RTKN2: variants seen among roughly 807,000 people sequenced by gnomAD.
RTKN2 encodes the protein rhotekin 2.
Under a neutral mutation model 71.5 loss-of-function variants are expected in RTKN2, and 69 were observed. The ratio of observed to expected loss-of-function variants is 0.96; its 90% confidence interval spans 0.79 to 1.18. The LOEUF (loss-of-function observed/expected upper bound fraction) is 1.18. RTKN2 is among the 50% of genes most tolerant of loss of function. The pLI, the probability that RTKN2 is intolerant of heterozygous loss-of-function variation, is 0.00. For synonymous variants in RTKN2, 236 were observed against 236.5 expected (o/e 1.00, Z 0.02); for missense variants, 724 against 719.7 (o/e 1.01, Z -0.07).
Position 62,193,384 on chromosome 10 carries a change from C to A in RTKN2, c.*4524G>T. 1 of 981,756 alleles carries A rather than the reference C, an allele frequency of 1.0e-6. No individual in the cohort carries two copies. Among genetic ancestry groups the A allele is most frequent in the Non-Finnish European group, 1.2e-6 (1 of 826,658 alleles). 60.8% of individuals were successfully genotyped at this position (981,756 alleles called of 1,614,324 possible). ...GGAATGATCTTTTCTAATTATTAAA[C>A]GTGTCAGCATTAGTATTTTCTCCCA... On this transcript the variant is annotated 3_prime_UTR_variant, in exon 12 of 12. Coordinates refer to ENST00000373789, the MANE Select transcript of RTKN2 (RefSeq NM_145307.4).
intron 3 of RTKN2, among the ~76,000 whole-genome samples, chr10:62,241,425 C>A (rs1842371783): frequency 6.6e-6 from 1 of 152,150 alleles, no homozygotes; most frequent in South Asian, 2.1e-4. Flanking sequence ...AATAACTGTT[C>A]TAACTCCATA....
At chr10:62,263,639 G>A (rs539056557) in intron 1 of RTKN2, among the ~76,000 whole-genome samples, 3 of 152,166 alleles carry the variant, frequency 2.0e-5, no homozygotes, top group Non-Finnish European at 2.9e-5. Context: ...CTGAGTAAAG[G>A]AGCCAAGGTT....
intron 1 of RTKN2, among the ~76,000 whole-genome samples, chr10:62,264,800 C>A (rs1259280235): frequency 6.6e-6 from 1 of 151,484 alleles, no homozygotes; most frequent in Non-Finnish European, 1.5e-5. Flanking sequence ...TGACCTACCC[C>A]AAACCAATCA....
At chr10:62,212,957 T>C (rs1165045382) in intron 9 of RTKN2, among the ~76,000 whole-genome samples, 1 of 152,122 alleles carries the variant, frequency 6.6e-6, no homozygotes, top group Non-Finnish European at 1.5e-5. Flanking sequence ...CCAATACCAA[T>C]GCTATACCAA....
intron 10 of RTKN2, among the ~76,000 whole-genome samples, chr10:62,203,775 A>G (rs1841495053): frequency 6.6e-6 from 1 of 152,270 alleles, no homozygotes. Flanking sequence ...CCATGGAGGG[A>G]ACCCTCTAGT....
downstream of RTKN2, among the ~76,000 whole-genome samples, chr10:62,188,394 C>T (rs1363899835): frequency 6.6e-6 from 1 of 152,156 alleles, no homozygotes; most frequent in East Asian, 1.9e-4. Flanking sequence ...CTTCTTATGA[C>T]CTAGCCTCAT....
chr10:62,256,697 T>C (rs1842682198), intron 2 of RTKN2, among the ~76,000 whole-genome samples: 1 of 152,014 alleles, frequency 6.6e-6, no homozygotes. Flanking sequence ...TGTATGCGTG[T>C]GTGTGTCTGT....
Position 62,268,770 on chromosome 10 carries a change from C to G in RTKN2, c.-160G>C. 1.4e-6 allele frequency: 1 copy of G among 711,264 alleles called. No homozygotes were observed. The highest frequency in any genetic ancestry group is 1.9e-5 in the South Asian group (1 of 51,780). 44.1% of individuals were successfully genotyped at this position (711,264 alleles called of 1,614,324 possible). On this transcript the variant is annotated 5_prime_UTR_variant, in exon 1 of 12. Coordinates refer to ENST00000373789, the MANE Select transcript of RTKN2 (RefSeq NM_145307.4). Reference sequence around the variant, plus strand: ...GAGGAGCCGGGCCGAAGCGCACGCGCAGTGGGCGCGCCTTGCGCTCTGCAG... The same window carrying G: ...GAGGAGCCGGGCCGAAGCGCACGCGGAGTGGGCGCGCCTTGCGCTCTGCAG...
rs150745493 is a variant in RTKN2 at position 62,237,984 on chromosome 10, G to A, written c.488+1664C>T. 5.3e-3 allele frequency among the ~76,000 whole-genome samples: 798 copies of A among 151,922 alleles called. 2 individuals are homozygous for A. The highest frequency in any genetic ancestry group is 7.9e-3 in the Non-Finnish European group (537 of 67,828). The stretch of plus-strand genomic sequence containing the variant: ...ACCTTTAGCATTAAAGACTGTGGTG[G>A]TGTTACTAACAATAAAATATACTTA... On this transcript the variant is annotated intron_variant, in intron 5 of 11. Coordinates refer to ENST00000373789, the MANE Select transcript of RTKN2 (RefSeq NM_145307.4).
In RTKN2 at chr10:62,198,262, C is replaced by T. The variant is rs1291198455; in HGVS notation, c.1476G>A (p.Glu492=). The stretch of plus-strand genomic sequence containing the variant: ...TTTTCCCTTTTTCATCATGTAATGG[C>T]TCACTTGCAGGATACAGTACCTTTT... ...IQKKVLYPAS[E]PLHDEKGKKR... The change falls in exon 12 of 12, where the codon GAG becomes GAA. Residue 492 remains glutamate, a synonymous_variant. Coordinates refer to ENST00000373789, the MANE Select transcript of RTKN2 (RefSeq NM_145307.4). 1 of 1,613,924 alleles carries T rather than the reference C, an allele frequency of 6.2e-7. No homozygotes were observed. The highest frequency in any genetic ancestry group is 8.5e-7 in the Non-Finnish European group (1 of 1,179,900).
At chr10:62,187,267 T>G (rs1220602074) in intron 8 of RTKN2, among the ~76,000 whole-genome samples, 1 of 137,410 alleles carries the variant, frequency 7.3e-6, no homozygotes. Flanking sequence ...ACTTTTGGCA[T>G]CACAAATCAC....
At chr10:62,198,524 T>C (rs2132795574) in intron 11 of RTKN2, 81 bp from the exon 12 acceptor site, 2 of 1,053,282 alleles carry the variant, frequency 1.9e-6, no homozygotes, top group Non-Finnish European at 2.6e-6. Flanking sequence ...TTTTCCAAAC[T>C]AGTATGCTAT....
intron 6 of RTKN2, among the ~76,000 whole-genome samples, chr10:62,233,852 T>C (rs1370488743): frequency 6.6e-6 from 1 of 152,144 alleles, no homozygotes; most frequent in East Asian, 1.9e-4. Context: ...ACCTAAAATA[T>C]TTTGCTTTTT....
chr10:62,230,881 G>A (rs1041406093), intron 6 of RTKN2, among the ~76,000 whole-genome samples: 1 of 152,174 alleles, frequency 6.6e-6, no homozygotes, highest in African/African-American at 2.4e-5. Context: ...TAAACTGGAA[G>A]AATTTTGAGT....
chr10:62,227,348 C>T (rs906357350), intron 6 of RTKN2, among the ~76,000 whole-genome samples: 1 of 152,074 alleles, frequency 6.6e-6, no homozygotes, highest in African/African-American at 2.4e-5. Context: ...GAAGGCCTAT[C>T]TGCAAAAGTA....
chr10:62,241,404 C>T (rs190734168), intron 3 of RTKN2, among the ~76,000 whole-genome samples: 1 of 151,982 alleles, frequency 6.6e-6, no homozygotes, highest in Non-Finnish European at 1.5e-5. Flanking sequence ...AAAATATATT[C>T]TTCTTATAAA....
downstream of RTKN2, among the ~76,000 whole-genome samples, chr10:62,191,525 G>T (rs903662333): frequency 9.2e-5 from 14 of 152,056 alleles, no homozygotes; most frequent in Non-Finnish European, 1.8e-4. Flanking sequence ...CTTTCATACT[G>T]CCCACAGTGT....
intron 8 of RTKN2, among the ~76,000 whole-genome samples, chr10:62,217,657 C>T (rs113430985): frequency 1.6e-4 from 24 of 152,180 alleles, no homozygotes; most frequent in Non-Finnish European, 2.1e-4. Context: ...CTCAGAGCAT[C>T]GGAAAATGTC....
intron 9 of RTKN2, among the ~76,000 whole-genome samples, chr10:62,209,739 G>C (rs1004604228): frequency 6.6e-6 from 1 of 152,058 alleles, no homozygotes; most frequent in African/African-American, 2.4e-5. Flanking sequence ...TCCTGTGTTA[G>C]TTTGCTAAGG....
Sources: gnomAD v4.1 joint callset for allele counts (sites outside exome capture counted in the v4.1 genomes callset) on GRCh38, gnomAD v4.1.1 for gene constraint, MANE v1.5 for transcripts, NCBI Gene and HGNC (gene_info 2026-07-23, HGNC 2026-07-21) for gene names.